Variants in L2HGDH observed in about 807,000 individuals in gnomAD.
L2HGDH encodes L-2-hydroxyglutarate dehydrogenase, mitochondrial.
In L2HGDH, 34 loss-of-function variants were observed where a neutral mutation model predicts 51.5. The ratio of observed to expected loss-of-function variants is 0.66; its 90% CI spans 0.50 to 0.88. L2HGDH has a LOEUF of 0.88. Ranked by LOEUF, L2HGDH falls within the 40% of genes least tolerant of loss-of-function variation. The probability of loss-of-function intolerance (pLI) is 0.00; values close to 1 mark genes in which losing one functional copy is unlikely to be tolerated. For synonymous variants in L2HGDH, 198 were observed against 197.9 expected (o/e 1.00, Z -0.01); for missense variants, 558 against 571.9 (o/e 0.98, Z 0.25).
chr14:50,303,509 G>A (rs2030544503), intron 1 of L2HGDH, among the ~76,000 whole-genome samples: 1 of 151,538 alleles, frequency 6.6e-6, no homozygotes, highest in Non-Finnish European at 1.5e-5. Flanking sequence ...GGGTGTGATG[G>A]CTCATGCCTG....
chr14:50,248,800 A>C (rs1448795818), intron 9 of L2HGDH, among the ~76,000 whole-genome samples: 1 of 152,218 alleles, frequency 6.6e-6, no homozygotes, highest in Non-Finnish European at 1.5e-5. Flanking sequence ...CCAAATTTTA[A>C]CTATCTGCAC....
At chr14:50,267,534 T>C (rs1018296444) in intron 8 of L2HGDH, among the ~76,000 whole-genome samples, 1 of 152,136 alleles carries the variant, frequency 6.6e-6, no homozygotes, top group Admixed American at 6.6e-5. Context: ...GTAGTTAAAA[T>C]GTTATACTTA....
chr14:50,266,037 T>G (rs767501678), intron 8 of L2HGDH, among the ~76,000 whole-genome samples: 1 of 151,574 alleles, frequency 6.6e-6, no homozygotes. Context: ...TTCCAGCTAC[T>G]AGGGAGGCTG....
At chr14:50,260,813 T>C (rs376911842) in intron 9 of L2HGDH, among the ~76,000 whole-genome samples, 5 of 152,140 alleles carry the variant, frequency 3.3e-5, no homozygotes, top group African/African-American at 1.2e-4. Context: ...AGGCTGGGGA[T>C]GCTGTTAAAC....
intron 6 of L2HGDH, among the ~76,000 whole-genome samples, chr14:50,271,116 C>T (rs1889660428): frequency 6.7e-6 from 1 of 149,404 alleles, no homozygotes; most frequent in Non-Finnish European, 1.5e-5. Flanking sequence ...CCTAAACGAA[C>T]AGCTGGGACT....
intron 6 of L2HGDH, among the ~76,000 whole-genome samples, chr14:50,276,941 C>G (rs1431766341): frequency 6.6e-6 from 1 of 152,202 alleles, no homozygotes; most frequent in Non-Finnish European, 1.5e-5. Flanking sequence ...TAGCAACATT[C>G]CTGGTATCTA....
intron 8 of L2HGDH, among the ~76,000 whole-genome samples, chr14:50,267,243 A>C (rs1376115836): frequency 2.0e-5 from 3 of 151,304 alleles, no homozygotes; most frequent in African/African-American, 7.3e-5. Context: ...GTGCAGTGGC[A>C]GCGATCTCAG....
chr14:50,304,834 C>CA (rs1019987051), intron 1 of L2HGDH, among the ~76,000 whole-genome samples: 25 of 147,556 alleles, frequency 1.7e-4, no homozygotes, highest in Non-Finnish European at 2.5e-4. Flanking sequence ...GACTCTGTCT[C>CA]AAAAAAAAAA....
chr14:50,309,688 C>T (rs1595158467), intron 1 of L2HGDH, among the ~76,000 whole-genome samples: 2 of 142,702 alleles, frequency 1.4e-5, no homozygotes, highest in Non-Finnish European at 1.5e-5. Context: ...TTATACCACC[C>T]TTTTTTTTTT....
intron 7 of L2HGDH, among the ~76,000 whole-genome samples, chr14:50,268,610 G>A (rs74655060): frequency 0.012 from 1,862 of 152,218 alleles, 35 homozygotes; most frequent in African/African-American, 0.041. Context: ...TGAGGTTGAA[G>A]CAGATGAAAT....
intron 6 of L2HGDH, among the ~76,000 whole-genome samples, chr14:50,274,936 A>G (rs1408716833): frequency 7.8e-6 from 1 of 128,998 alleles, no homozygotes; most frequent in East Asian, 2.7e-4. Context: ...TCATAGAAAA[A>G]GAGAGTACAA....
chr14:50,304,793 C>T (rs1265478854), intron 1 of L2HGDH, among the ~76,000 whole-genome samples: 1 of 152,238 alleles, frequency 6.6e-6, no homozygotes, highest in Admixed American at 6.5e-5. Context: ...CAAGATTGCA[C>T]CACTGCACTC....
intron 4 of L2HGDH, among the ~76,000 whole-genome samples, chr14:50,293,702 T>C (rs1241815758): frequency 6.6e-6 from 1 of 152,132 alleles, no homozygotes; most frequent in African/African-American, 2.4e-5. Context: ...GCTGCCCTCC[T>C]CCAAAAATGT....
intron 5 of L2HGDH, among the ~76,000 whole-genome samples, chr14:50,279,616 G>A (rs1416986344): frequency 6.6e-6 from 1 of 151,812 alleles, no homozygotes; most frequent in African/African-American, 2.4e-5. Flanking sequence ...AAGGTGGGCA[G>A]GTTGTTTGAG....
In L2HGDH at chr14:50,294,205, C is replaced by T. The variant is rs2139193020; in HGVS notation, c.450G>A (p.Gln150=). The T allele has an allele frequency of 6.2e-7, 1 of 1,613,320 alleles. No homozygotes were observed. Among genetic ancestry groups the T allele is most frequent in the Non-Finnish European group, 8.5e-7 (1 of 1,179,822 alleles). The change falls in exon 4 of 10, where the codon CAG becomes CAA. Residue 150 remains glutamine (Q), a synonymous_variant. Coordinates refer to ENST00000267436, the MANE Select transcript of L2HGDH (RefSeq NM_024884.3). ...AVEQEEIPRL[Q]ALYEKGLQNG... ...TCTGGAGGCCTTTCTCATATAGGGCCTGAAGTCTGGGAATTTCTTCTTGTT... is the reference window on the plus strand; with the variant it reads ...TCTGGAGGCCTTTCTCATATAGGGCTTGAAGTCTGGGAATTTCTTCTTGTT...
chr14:50,254,902 G>A (rs1036529166), intron 9 of L2HGDH, among the ~76,000 whole-genome samples: 1 of 151,718 alleles, frequency 6.6e-6, no homozygotes, highest in Non-Finnish European at 1.5e-5. Flanking sequence ...ATCAGGCGTG[G>A]TGTTGAGTGT....
intron 4 of L2HGDH, among the ~76,000 whole-genome samples, chr14:50,292,644 T>A (rs887352267): frequency 6.6e-6 from 1 of 152,144 alleles, no homozygotes; most frequent in African/African-American, 2.4e-5. Flanking sequence ...AGGCAGAGGT[T>A]GCGGTGAGCT....
At chr14:50,283,675 T>G (rs1406383618) in intron 5 of L2HGDH, among the ~76,000 whole-genome samples, 196 bp downstream of exon 5, 1 of 152,252 alleles carries the variant, frequency 6.6e-6, no homozygotes, top group Admixed American at 6.5e-5. Flanking sequence ...AGATTACTTA[T>G]AACACCGAAT....
At position 50,283,990 on chromosome 14, in the gene L2HGDH, T is replaced by C. The variant is rs887386390; in HGVS notation, c.584A>G (p.Tyr195Cys). ...GGCAAATGACAAAGCCACCTGCCGATAGTCCACAATGCCAGTATGTGGACA... is the reference window on the plus strand; with the variant it reads ...GGCAAATGACAAAGCCACCTGCCGACAGTCCACAATGCCAGTATGTGGACA... ...IDCPHTGIVDYRQVALSFAQD... is the reference protein window; with the variant it reads ...IDCPHTGIVDCRQVALSFAQD... Residue 195 changes from tyrosine (Y) to cysteine (C), a missense_variant, in exon 5 of 10, where the codon TAT (tyrosine) becomes TGT (cysteine). Tyr to Cys is a radical substitution (Grantham distance 194, BLOSUM62 -2). This residue lies in a region of L2HGDH where 43 missense variants were observed against 72.9 expected (regional missense o/e 0.59). Coordinates refer to ENST00000267436, the MANE Select transcript of L2HGDH (RefSeq NM_024884.3). 13 of 1,614,188 alleles carry C rather than the reference T, an allele frequency of 8.1e-6. No homozygotes were observed. The highest frequency in any genetic ancestry group is 1.1e-5 in the Non-Finnish European group (13 of 1,180,016).
Sources: allele counts gnomAD v4.1 joint callset (sites outside exome capture counted in the v4.1 genomes callset), GRCh38; gene constraint gnomAD v4.1.1; regional missense constraint gnomAD v4.1.1; transcripts MANE v1.5; gene names NCBI Gene and HGNC (gene_info 2026-07-23, HGNC 2026-07-21).